The following MVB12B variants were observed in gnomAD, a reference collection of about 807,000 sequenced individuals.
MVB12B encodes multivesicular body subunit 12B.
In MVB12B, 16 loss-of-function variants were observed where a neutral mutation model predicts 41.6. The observed-to-expected ratio is 0.38, with a 90% CI of 0.26 to 0.58. The LOEUF is 0.58. Ranked by LOEUF, MVB12B falls within the 20% of genes least tolerant of loss-of-function variation. The probability of loss-of-function intolerance (pLI) is 0.62; values close to 1 mark genes in which losing one functional copy is unlikely to be tolerated. For missense variants in MVB12B, 274 were observed against 380.2 expected, an observed-to-expected ratio of 0.72 and a Z score of 2.32; for synonymous variants, 133 against 139.7, an observed-to-expected ratio of 0.95 and a Z score of 0.34.
At chr9:126,403,882 A>G (rs1489740898) in intron 6 of MVB12B, among the ~76,000 whole-genome samples, 2 of 151,930 alleles carry the variant, frequency 1.3e-5, no homozygotes, top group Non-Finnish European at 2.9e-5. Context: ...TCCATCCAGC[A>G]GAGACTTATC....
intron 6 of MVB12B, among the ~76,000 whole-genome samples, chr9:126,409,479 ATT>A: frequency 6.7e-6 from 1 of 149,392 alleles, no homozygotes; most frequent in East Asian, 2.3e-4. Context: ...TGAGAATTAA[ATT>A]GGGGGGGGAC....
At chr9:126,328,027 T>C (rs1829032171) in intron 1 of MVB12B, among the ~76,000 whole-genome samples, 2 of 152,142 alleles carry the variant, frequency 1.3e-5, no homozygotes, top group Admixed American at 6.5e-5. Flanking sequence ...GGATCTCATC[T>C]CGTTTTAACA....
chr9:126,328,586 GA>G (rs1160957629), intron 1 of MVB12B, among the ~76,000 whole-genome samples: 3 of 152,170 alleles, frequency 2.0e-5, no homozygotes, highest in African/African-American at 7.2e-5. Flanking sequence ...TCTGTAGAGT[GA>G]AACTAATGAT....
At chr9:126,496,205 C>T (rs1833828289) in intron 9 of MVB12B, among the ~76,000 whole-genome samples, 1 of 78,992 alleles carries the variant, frequency 1.3e-5, no homozygotes, top group Non-Finnish European at 2.4e-5. Context: ...ACCCACCTAC[C>T]CACCCGTCCA....
At chr9:126,365,220 A>AT (rs71377933) in intron 2 of MVB12B, among the ~76,000 whole-genome samples, 1,531 of 122,582 alleles carry the variant, frequency 0.012, 46 homozygotes, top group African/African-American at 0.037. Context: ...CACCCAGCTA[A>AT]TTTTTTTTTT....
At chr9:126,457,606 T>C (rs1833008936) in intron 7 of MVB12B, among the ~76,000 whole-genome samples, 1 of 152,180 alleles carries the variant, frequency 6.6e-6, no homozygotes, top group Admixed American at 6.5e-5. Context: ...CATCGGATGT[T>C]GGAGTCTCAG....
At chr9:126,348,289 T>C (rs1039774182) in intron 2 of MVB12B, among the ~76,000 whole-genome samples, 1 of 152,166 alleles carries the variant, frequency 6.6e-6, no homozygotes, top group Non-Finnish European at 1.5e-5. Context: ...TCTTTTAAGG[T>C]CCTTCCCTCC....
chr9:126,495,590 C>T (rs539505190), intron 9 of MVB12B, among the ~76,000 whole-genome samples: 3 of 152,332 alleles, frequency 2.0e-5, no homozygotes, highest in African/African-American at 7.2e-5. Flanking sequence ...GCAGTGGACA[C>T]TCTTCCCAGC....
intron 7 of MVB12B, among the ~76,000 whole-genome samples, chr9:126,429,416 A>C (rs1396274743): frequency 1.3e-5 from 2 of 152,200 alleles, no homozygotes; most frequent in African/African-American, 4.8e-5. Context: ...GCGCACGCAC[A>C]CTGCCTTGTT....
chr9:126,497,254 A>T (rs1485646807), intron 9 of MVB12B, among the ~76,000 whole-genome samples: 1 of 151,430 alleles, frequency 6.6e-6, no homozygotes, highest in Non-Finnish European at 1.5e-5. Flanking sequence ...TTAGGGTGAG[A>T]CCCCCCAGCT....
intron 9 of MVB12B, among the ~76,000 whole-genome samples, chr9:126,488,928 A>AG (rs1833676245): frequency 6.6e-6 from 1 of 152,190 alleles, no homozygotes; most frequent in Admixed American, 6.5e-5. Flanking sequence ...CATGGAGGTT[A>AG]GGGACATGGG....
At chr9:126,352,749 A>G (rs115033502) in intron 2 of MVB12B, among the ~76,000 whole-genome samples, 1 of 152,318 alleles carries the variant, frequency 6.6e-6, no homozygotes, top group African/African-American at 2.4e-5. Flanking sequence ...TATTTACTCC[A>G]TATTCCTGGA....
At chr9:126,332,368 C>T (rs1829154132) in intron 1 of MVB12B, among the ~76,000 whole-genome samples, 1 of 152,184 alleles carries the variant, frequency 6.6e-6, no homozygotes, top group African/African-American at 2.4e-5. Context: ...GTCTCAGTCC[C>T]AGCCTGAACC....
chr9:126,500,442 T>TCCCTCTCTGCCCATC (rs748140420), intron 9 of MVB12B, among the ~76,000 whole-genome samples: 178 of 152,206 alleles, frequency 1.2e-3, no homozygotes, highest in Non-Finnish European at 1.7e-3. Context: ...CTCTGGCCCT[T>TCCCTCTCTGCCCATC]CCCTCTCTGC....
rs550716613 is a variant in MVB12B at position 126,470,703 on chromosome 9, A to C, written c.758-10666A>C. 2.6e-5 allele frequency among the ~76,000 whole-genome samples: 4 copies of C among 151,742 alleles called. No individual in the cohort carries two copies. The East Asian group carries it at 7.8e-4, about 29-fold the overall frequency. ...AATCCAGATTGCTCATGCCAAATAG[A>C]ACCTCTAAGAATGTTCGTTTGTGGT... On this transcript the variant is annotated intron_variant, in intron 7 of 9. Transcript: ENST00000361171.
At chr9:126,457,563 G>A (rs1833007889) in intron 7 of MVB12B, among the ~76,000 whole-genome samples, 1 of 152,058 alleles carries the variant, frequency 6.6e-6, no homozygotes, top group Non-Finnish European at 1.5e-5. Context: ...CCTGTATGTT[G>A]TGTACGGGTA....
At chr9:126,421,241 C>G (rs973722209) in intron 6 of MVB12B, among the ~76,000 whole-genome samples, 9 of 152,232 alleles carry the variant, frequency 5.9e-5, no homozygotes, top group African/African-American at 2.2e-4. Flanking sequence ...TGTGCTGTAT[C>G]TGTCTGGAAG....
intron 2 of MVB12B, among the ~76,000 whole-genome samples, chr9:126,370,607 C>T (rs1465114170): frequency 1.3e-5 from 2 of 152,034 alleles, no homozygotes; most frequent in African/African-American, 2.4e-5. Flanking sequence ...GTCTTGAACT[C>T]CTGACCTGAA....
Position 126,503,570 on chromosome 9 carries a change from A to AC in MVB12B, c.*310dup, listed in dbSNP as rs1198859691. ...CAAAAACCTCACTCACCACGGAGTC[A>AC]CCCTGAGGGCCCCGGGCAGTTGCCC... On this transcript the variant is annotated 3_prime_UTR_variant, in exon 10 of 10. Coordinates refer to ENST00000361171, the MANE Select transcript of MVB12B (RefSeq NM_033446.3). 1 of 423,440 alleles carries AC rather than the reference A, an allele frequency of 2.4e-6. No individual in the cohort carries two copies. The highest frequency in any genetic ancestry group is 4.3e-6 in the Non-Finnish European group (1 of 235,060). The allele number at this position is 423,440 out of a possible 1,614,324, so 26.2% of individuals were successfully genotyped here.
Sources: allele counts gnomAD v4.1 joint callset (sites outside exome capture counted in the v4.1 genomes callset), GRCh38; gene constraint gnomAD v4.1.1; transcripts MANE v1.5; gene names NCBI Gene and HGNC (gene_info 2026-07-23, HGNC 2026-07-21).